RELCH: variants seen among roughly 807,000 people sequenced by gnomAD.
RELCH encodes the protein RAB11-binding protein RELCH.
A neutral mutation model predicts 150.3 loss-of-function variants in RELCH; 41 were observed. That is an observed-to-expected ratio of 0.27 (90% confidence interval 0.21 to 0.35). The LOEUF is 0.35. Among genes scored for constraint, RELCH ranks in the 10% least tolerant of loss-of-function variants. The pLI, the probability that RELCH is intolerant of heterozygous loss-of-function variation, is 1.00. For missense variants in RELCH, 1,092 were observed against 1,467.8 expected, an observed-to-expected ratio of 0.74 and a Z score of 4.18; for synonymous variants, 478 against 531.8, an observed-to-expected ratio of 0.90 and a Z score of 1.39.
intron 1 of RELCH, among the ~76,000 whole-genome samples, chr18:62,205,222 G>T (rs961694202): frequency 1.3e-5 from 2 of 152,080 alleles, no homozygotes; most frequent in African/African-American, 4.8e-5. Context: ...TGGAGGTTTT[G>T]AGGTAATATT....
At chr18:62,220,962 C>G (rs376326617) in intron 2 of RELCH, 75 bp from the exon 3 acceptor site, 8 of 1,193,022 alleles carry the variant, frequency 6.7e-6, no homozygotes, top group Non-Finnish European at 9.8e-6. Flanking sequence ...CCCATCCTTG[C>G]TTTTTATTTT....
intron 28 of RELCH, chr18:62,300,205 G>A (rs549569220): frequency 6.6e-6 from 1 of 152,216 alleles, no homozygotes; most frequent in South Asian, 2.1e-4. Context: ...CTTTTAACAT[G>A]TTCTTCTCTA....
intron 28 of RELCH, among the ~76,000 whole-genome samples, chr18:62,302,094 C>T (rs559446573): frequency 4.7e-4 from 72 of 152,174 alleles, no homozygotes; most frequent in African/African-American, 1.7e-3. Flanking sequence ...ATTTGAGATC[C>T]GTATTTCAGA....
At chr18:62,300,666 A>T (rs570955467) in intron 28 of RELCH, 7 of 152,210 alleles carry the variant, frequency 4.6e-5, no homozygotes, top group Non-Finnish European at 8.8e-5. Context: ...ACATTGTTTA[A>T]TTAATTCAAT....
chr18:62,291,489 T>C, intron 26 of RELCH, 54 bp from the exon 27 acceptor site: 1 of 1,011,404 alleles, frequency 9.9e-7, no homozygotes, highest in Admixed American at 2.0e-5. Flanking sequence ...TCGGTTGTTC[T>C]GTTGGACATA....
rs186814387 is a variant in RELCH, at chr18:62,281,064, C to T, written c.3114+355C>T. ...TATCACTAGAGACAGAAACTAAAAA[C>T]CCCGGCTTCAGGCTGCTAAAAGCCT... is the stretch of plus-strand genomic sequence containing the variant. On this transcript the variant is annotated intron_variant, in intron 24 of 28. Transcript: ENST00000644646. Among the ~76,000 whole-genome samples, 5 of 152,302 alleles carry T rather than the reference C, an allele frequency of 3.3e-5. No homozygotes were observed. The East Asian group carries it at 7.7e-4, about 23-fold the overall frequency.
chr18:62,270,998 A>G (rs1005768835), intron 20 of RELCH, among the ~76,000 whole-genome samples: 24 of 152,108 alleles, frequency 1.6e-4, no homozygotes, highest in African/African-American at 5.8e-4. Flanking sequence ...TCATTGATGG[A>G]CATTTGGGTT....
intron 18 of RELCH, among the ~76,000 whole-genome samples, chr18:62,266,218 A>G (rs1422563984): frequency 6.6e-6 from 1 of 151,950 alleles, no homozygotes; most frequent in Non-Finnish European, 1.5e-5. Flanking sequence ...AAAAGTTGTA[A>G]TAAAAGATGA....
intron 12 of RELCH, among the ~76,000 whole-genome samples, chr18:62,254,346 G>T (rs9945237): frequency 0.1 from 15,393 of 151,914 alleles, 926 homozygotes; most frequent in East Asian, 0.19. Flanking sequence ...AGTATTTCAT[G>T]CTTTTGGATG....
intron 10 of RELCH, among the ~76,000 whole-genome samples, chr18:62,240,283 A>G (rs2042078865): frequency 6.6e-6 from 1 of 151,784 alleles, no homozygotes; most frequent in South Asian, 2.1e-4. Flanking sequence ...TTTTCAGCAT[A>G]TGTTCTTTCC....
Position 62,290,074 on chromosome 18 carries a change from T to A in RELCH, c.3371-1469T>A, listed in dbSNP as rs554057677. 6.2e-4 allele frequency among the ~76,000 whole-genome samples: 95 copies of A among 152,340 alleles called. 1 individual carries two copies. The highest frequency in any genetic ancestry group is 5.2e-3 in the South Asian group (25 of 4,830). On this transcript the variant is annotated intron_variant, in intron 26 of 28. Transcript: ENST00000644646. ...GACCAAATGATGTTTATATTTTTAA[T>A]ACCTGTTAAATTTATAAATCACTCA...
intron 7 of RELCH, among the ~76,000 whole-genome samples, 174 bp from the exon 8 acceptor site, chr18:62,228,131 T>C (rs1017223468): frequency 3.9e-5 from 6 of 152,160 alleles, no homozygotes; most frequent in African/African-American, 1.4e-4. Context: ...GCTACAGTTT[T>C]AGGTATATGA....
At chr18:62,290,466 G>A (rs2045058028) in intron 26 of RELCH, among the ~76,000 whole-genome samples, 1 of 152,160 alleles carries the variant, frequency 6.6e-6, no homozygotes, top group Admixed American at 6.5e-5. Context: ...AGGAGGCGGA[G>A]GTTGCAGTGA....
intron 2 of RELCH, among the ~76,000 whole-genome samples, chr18:62,219,847 A>G (rs1381805014): frequency 6.6e-6 from 1 of 152,004 alleles, no homozygotes; most frequent in African/African-American, 2.4e-5. Context: ...TAATTTTTCC[A>G]TATATTTTTA....
At chr18:62,249,815 A>G (rs909119277) in intron 11 of RELCH, among the ~76,000 whole-genome samples, 4 of 151,960 alleles carry the variant, frequency 2.6e-5, no homozygotes, top group African/African-American at 9.7e-5. Flanking sequence ...ACTAAAATAG[A>G]CTAATATATT....
chr18:62,187,534 G>A lies in RELCH; in HGVS notation c.29G>A (p.Gly10Asp). The change falls in exon 1 of 29, where the codon GGC becomes GAC. Residue 10 changes from glycine (G) to aspartate (D), a missense_variant. Physicochemically the swap from Gly to Asp is moderately conservative, Grantham distance 94. This residue lies in a region of RELCH where 138 missense variants were observed against 124.8 expected (regional missense o/e 1.11). Coordinates refer to ENST00000644646, the MANE Select transcript of RELCH (RefSeq NM_001346231.2). MAAMAPGGS[G>D]SGGGVNPFLS... is the part of the protein sequence containing the mutation. The stretch of plus-strand genomic sequence containing the variant: ...GCGGCGATGGCGCCTGGAGGTAGTG[G>A]CAGTGGTGGCGGCGTGAATCCATTT... 1 of 1,515,198 alleles carries A rather than the reference G, an allele frequency of 6.6e-7. No homozygotes were observed. Among genetic ancestry groups the A allele is most frequent in the South Asian group, 1.3e-5 (1 of 75,376 alleles). The allele number at this position is 1,515,198 out of a possible 1,614,324, so 93.9% of individuals were successfully genotyped here. A position where few individuals can be genotyped will look rare whatever the true frequency, so the allele number is the denominator to read the frequency against.
chr18:62,190,863 C>T (rs953365040), intron 1 of RELCH, among the ~76,000 whole-genome samples: 1 of 152,178 alleles, frequency 6.6e-6, no homozygotes, highest in Non-Finnish European at 1.5e-5. Flanking sequence ...TTATGACCAC[C>T]AAAAATGTCT....
chr18:62,218,028 AG>A (rs2040596819), intron 2 of RELCH, among the ~76,000 whole-genome samples: 1 of 152,008 alleles, frequency 6.6e-6, no homozygotes, highest in African/African-American at 2.4e-5. Context: ...AACCTAGTAA[AG>A]GTGATGATAG....
At chr18:62,275,605 C>A in intron 22 of RELCH, 132 bp downstream of exon 22, 1 of 657,426 alleles carries the variant, frequency 1.5e-6, no homozygotes, top group Non-Finnish European at 2.7e-6. Context: ...TGGCTTTGAA[C>A]AGTGTCTGGT....
Sources: gnomAD v4.1 joint callset for allele counts (sites outside exome capture counted in the v4.1 genomes callset) on GRCh38, gnomAD v4.1.1 for gene constraint, gnomAD v4.1.1 regional missense constraint, MANE v1.5 for transcripts, NCBI Gene and HGNC (gene_info 2026-07-23, HGNC 2026-07-21) for gene names.